Variants in GRID1 observed in about 807,000 individuals in gnomAD.
The protein encoded by GRID1 is glutamate receptor ionotropic, delta-1.
GRID1 carries 28 observed loss-of-function variants against 98.0 expected under a neutral mutation model. The observed-to-expected ratio is 0.29, with a 90% confidence interval of 0.21 to 0.39. The LOEUF is 0.39. GRID1 is among the 10% of genes least tolerant of loss of function. The pLI is 1.00. For missense variants in GRID1, 1,111 were observed against 1,340.5 expected, an observed-to-expected ratio of 0.83 and a Z score of 2.67; for synonymous variants, 553 against 538.5, an observed-to-expected ratio of 1.03 and a Z score of -0.37.
intron 4 of GRID1, among the ~76,000 whole-genome samples, chr10:86,104,628 G>A (rs948726098): frequency 2.0e-4 from 30 of 152,300 alleles, no homozygotes; most frequent in African/African-American, 5.3e-4. Context: ...GGCAATCCTC[G>A]GCAGACTGAA....
intron 2 of GRID1, among the ~76,000 whole-genome samples, chr10:86,349,627 G>A (rs940327488): frequency 6.6e-6 from 1 of 152,226 alleles, no homozygotes; most frequent in South Asian, 2.1e-4. Flanking sequence ...AGCTGACCAG[G>A]AGGGAAGGGC....
intron 8 of GRID1, among the ~76,000 whole-genome samples, chr10:85,833,289 CAG>C (rs1225794897): frequency 6.6e-6 from 1 of 152,088 alleles, no homozygotes; most frequent in East Asian, 1.9e-4. Flanking sequence ...CTCATTCTCA[CAG>C]GCCATTCTTC....
intron 3 of GRID1, among the ~76,000 whole-genome samples, chr10:86,144,230 G>C (rs1267865679): frequency 6.6e-6 from 1 of 152,158 alleles, no homozygotes; most frequent in African/African-American, 2.4e-5. Context: ...GATGGGAGGG[G>C]ACTTCAGGGT....
At chr10:86,296,697 C>T (rs1160206846) in intron 2 of GRID1, among the ~76,000 whole-genome samples, 1 of 152,066 alleles carries the variant, frequency 6.6e-6, no homozygotes, top group Non-Finnish European at 1.5e-5. Context: ...CAAGATTGCA[C>T]CATTGCACTC....
intron 2 of GRID1, among the ~76,000 whole-genome samples, chr10:86,293,763 T>G (rs1383199237): frequency 6.6e-6 from 1 of 152,058 alleles, no homozygotes; most frequent in Non-Finnish European, 1.5e-5. Flanking sequence ...ATGCATTCAT[T>G]CATTCATTCA....
chr10:85,806,615 A>G (rs2131741843), intron 8 of GRID1, among the ~76,000 whole-genome samples: 1 of 152,314 alleles, frequency 6.6e-6, no homozygotes, highest in East Asian at 1.9e-4. Context: ...TCAAATAAAA[A>G]GGAACAATTC....
intron 2 of GRID1, among the ~76,000 whole-genome samples, chr10:86,320,780 G>T (rs1213027380): frequency 6.6e-6 from 1 of 152,094 alleles, no homozygotes; most frequent in Non-Finnish European, 1.5e-5. Context: ...GTTCATTGTG[G>T]CTTGTTATTA....
chr10:85,925,075 G>A (rs1283185550), intron 4 of GRID1, among the ~76,000 whole-genome samples: 4 of 152,224 alleles, frequency 2.6e-5, no homozygotes, highest in Non-Finnish European at 4.4e-5. Flanking sequence ...TCACAGGCAC[G>A]ATCTGTTTAA....
intron 2 of GRID1, among the ~76,000 whole-genome samples, chr10:86,275,346 C>G (rs906531614): frequency 6.6e-6 from 1 of 151,568 alleles, no homozygotes; most frequent in Non-Finnish European, 1.5e-5. Context: ...ATTCAGAAGT[C>G]CTTTTTTAAA....
At chr10:86,139,516 T>A (rs1844981425) in intron 3 of GRID1, among the ~76,000 whole-genome samples, 1 of 152,128 alleles carries the variant, frequency 6.6e-6, no homozygotes, top group South Asian at 2.1e-4. Context: ...CCTGCACCAA[T>A]CCTGCCAACG....
At chr10:86,222,022 G>T (rs12359961) in intron 2 of GRID1, among the ~76,000 whole-genome samples, 7,779 of 152,232 alleles carry the variant, frequency 0.051, 300 homozygotes, top group Admixed American at 0.094. Flanking sequence ...AAGCATGGGG[G>T]GAAGAAGGGG....
intron 4 of GRID1, among the ~76,000 whole-genome samples, chr10:86,013,907 T>G (rs562584267): frequency 6.6e-6 from 1 of 152,350 alleles, no homozygotes; most frequent in African/African-American, 2.4e-5. Flanking sequence ...TTTGTCAGAA[T>G]GTACTCTGCA....
chr10:86,250,055 G>A (rs77053960), intron 2 of GRID1, among the ~76,000 whole-genome samples: 3,748 of 152,154 alleles, frequency 0.025, 162 homozygotes, highest in African/African-American at 0.084. Flanking sequence ...ATGGATGGAT[G>A]TGTGGGTAGC....
At chr10:86,037,799 C>T (rs1589346695) in intron 4 of GRID1, among the ~76,000 whole-genome samples, 1 of 151,770 alleles carries the variant, frequency 6.6e-6, no homozygotes, top group African/African-American at 2.4e-5. Context: ...CTCGGGTGGG[C>T]GTGGGAAGCC....
chr10:85,856,255 C>T (rs1843108830), intron 6 of GRID1, 65 bp from the exon 7 acceptor site: 2 of 1,427,806 alleles, frequency 1.4e-6, no homozygotes, highest in Non-Finnish European at 2.0e-6. Flanking sequence ...TGGAGAAACC[C>T]ACAGAAAGGA....
intron 12 of GRID1, 44 bp downstream of exon 12, chr10:85,722,959 C>T (rs1466588771): frequency 1.3e-6 from 2 of 1,559,170 alleles, no homozygotes; most frequent in Non-Finnish European, 1.7e-6. Context: ...CTCTTTAAAG[C>T]CTCTCTGAGC....
rs115032628 is a variant in GRID1 at position 85,977,427 on chromosome 10, G to A, written c.727-61188C>T. On this transcript the variant is annotated intron_variant, in intron 4 of 15. Coordinates refer to ENST00000327946, the MANE Select transcript of GRID1 (RefSeq NM_017551.3). The stretch of plus-strand genomic sequence containing the variant: ...AGACCCCACCTAAAGGGACTCTGAT[G>A]TTGTAGAAAATACCATGCCAGCCAC... Among the ~76,000 whole-genome samples, 490 of 152,272 alleles carry A rather than the reference G, an allele frequency of 3.2e-3. 3 individuals are homozygous for A. The highest frequency in any genetic ancestry group is 0.011 in the African/African-American group (471 of 41,542).
At chr10:86,197,348 AGCTGGAAG>A (rs1341009939) in intron 3 of GRID1, among the ~76,000 whole-genome samples, 2 of 152,088 alleles carry the variant, frequency 1.3e-5, no homozygotes, top group Non-Finnish European at 2.9e-5. Flanking sequence ...AAGGAGCCGG[AGCTGGAAG>A]GCAGCAGACA....
rs1262356952 is a variant in GRID1, at chr10:85,810,803, T to C, written c.1233+43693A>G. 2.6e-5 allele frequency among the ~76,000 whole-genome samples: 4 copies of C among 151,908 alleles called. No homozygotes were observed. In the East Asian group the frequency reaches 7.7e-4, roughly 29 times the overall value. ...GCACCCATTACCCTGACCACAGAAA[T>C]AGCTGAGTAGACCCAACCCTGGCAG... On this transcript the variant is annotated intron_variant, in intron 8 of 15. Coordinates refer to ENST00000327946, the MANE Select transcript of GRID1 (RefSeq NM_017551.3).
Sources: allele counts gnomAD v4.1 joint callset (sites outside exome capture counted in the v4.1 genomes callset), GRCh38; gene constraint gnomAD v4.1.1; transcripts MANE v1.5; gene names NCBI Gene and HGNC (gene_info 2026-07-23, HGNC 2026-07-21).